The following PLA2G6 variants were observed in gnomAD, a reference collection of about 807,000 sequenced individuals.
PLA2G6 encodes the protein 85/88 kDa calcium-independent phospholipase A2.
In PLA2G6, 62 loss-of-function variants were observed where a neutral mutation model predicts 83.8. The ratio of observed to expected loss-of-function variants is 0.74; its 90% CI spans 0.60 to 0.91. PLA2G6 has a LOEUF of 0.91. Among genes scored for constraint, PLA2G6 ranks in the 40% least tolerant of loss-of-function variants. PLA2G6 has a pLI of 0.00. For synonymous variants in PLA2G6, 417 were observed against 449.8 expected (o/e 0.93, Z 0.92); for missense variants, 944 against 1,102.0 (o/e 0.86, Z 2.03).
intron 8 of PLA2G6, 137 bp downstream of exon 8, chr22:38,129,317 G>A (rs2088062575): frequency 1.4e-6 from 1 of 710,148 alleles, no homozygotes; most frequent in Non-Finnish European, 2.6e-6. Flanking sequence ...CTCTGAGTAC[G>A]AGGTGCTCCT....
intron 1 of PLA2G6, among the ~76,000 whole-genome samples, chr22:38,178,732 G>A (rs939538724): frequency 5.3e-5 from 8 of 152,112 alleles, no homozygotes; most frequent in African/African-American, 1.9e-4. Context: ...TGGGTGTGGT[G>A]GCGTGCACCT....
In PLA2G6 at chr22:38,111,689, T is replaced by G. The variant is rs948063627; in HGVS notation, c.*472A>C. The G allele has an allele frequency of 4.5e-6, 1 of 223,938 alleles. No individual in the cohort carries two copies. The highest frequency in any genetic ancestry group is 9.1e-6 in the Non-Finnish European group (1 of 109,904). The allele number at this position is 223,938 out of a possible 1,614,324, so 13.9% of individuals were successfully genotyped here. A position where few individuals can be genotyped will look rare whatever the true frequency, so the allele number is the denominator to read the frequency against. On this transcript the variant is annotated 3_prime_UTR_variant, in exon 17 of 17. Transcript: ENST00000332509. Reference sequence around the variant, plus strand: ...GCCTGGGCTTTCCCAGCTGATGGGGTGGGGGACACCCATTTCTTTAGTCCC... The same window carrying G: ...GCCTGGGCTTTCCCAGCTGATGGGGGGGGGGACACCCATTTCTTTAGTCCC...
At chr22:38,162,112 G>A (rs537218850) in intron 2 of PLA2G6, among the ~76,000 whole-genome samples, 24 of 151,200 alleles carry the variant, frequency 1.6e-4, no homozygotes, top group Non-Finnish European at 3.2e-4. Flanking sequence ...GGAGGCTGAG[G>A]CAGAGAGAAC....
intron 2 of PLA2G6, chr22:38,147,100 T>G (rs998817918): frequency 1.3e-5 from 2 of 152,196 alleles, no homozygotes. Context: ...CATTTTTAAG[T>G]GTTGAGGTTG....
intron 2 of PLA2G6, among the ~76,000 whole-genome samples, chr22:38,155,088 G>A (rs181164904): frequency 2.0e-4 from 30 of 152,204 alleles, no homozygotes; most frequent in African/African-American, 5.8e-4. Flanking sequence ...TTAGCCAGGC[G>A]TGGTGGCGGG....
rs754054320 is a variant in PLA2G6 at position 38,169,220 on chromosome 22, G to A, written c.207C>T (p.Phe69=). Residue 69 remains phenylalanine (F), a splice_region_variant and synonymous_variant, in exon 2 of 17, where the codon TTC becomes TTT. Coordinates refer to ENST00000332509, the MANE Select transcript of PLA2G6 (RefSeq NM_003560.4). ...LVNPRNSQSG[F]RLFQLELEAD... ...TGTTCCCGCTGAGCATCACCCACCGGAATCCACTCTGTGAGTTCCTGGGGT... is the reference window on the plus strand; with the variant it reads ...TGTTCCCGCTGAGCATCACCCACCGAAATCCACTCTGTGAGTTCCTGGGGT... 1 of 1,612,178 alleles carries A rather than the reference G, an allele frequency of 6.2e-7. No individual in the cohort carries two copies. The highest frequency in any genetic ancestry group is 1.1e-5 in the South Asian group (1 of 90,944).
chr22:38,157,893 G>A (rs1397083672), intron 2 of PLA2G6, among the ~76,000 whole-genome samples: 1 of 151,862 alleles, frequency 6.6e-6, no homozygotes, highest in East Asian at 2.0e-4. Context: ...AAAACTAGCT[G>A]GGTGTGGTGG....
chr22:38,138,296 G>C (rs2088679637), intron 5 of PLA2G6: 1 of 152,742 alleles, frequency 6.5e-6, no homozygotes, highest in South Asian at 2.1e-4. Flanking sequence ...TATCTTCTCT[G>C]TTTGGTCAAG....
chr22:38,158,326 C>T (rs1361507023), intron 2 of PLA2G6, among the ~76,000 whole-genome samples: 2 of 151,862 alleles, frequency 1.3e-5, no homozygotes, highest in African/African-American at 4.8e-5. Context: ...CCCACCACCA[C>T]GCCTGGCTAA....
chr22:38,111,850 C>T lies in PLA2G6; in HGVS notation c.*311G>A, dbSNP rs868234633. The T allele has an allele frequency of 2.9e-5, 12 of 418,086 alleles. No individual in the cohort carries two copies. The highest frequency in any genetic ancestry group is 1.6e-4 in the East Asian group (3 of 19,346). 25.9% of individuals were successfully genotyped at this position (418,086 alleles called of 1,614,324 possible). A position where few individuals can be genotyped will look rare whatever the true frequency, so the allele number is the denominator to read the frequency against. Reference sequence around the variant, plus strand: ...GAGGCTGGGGCTGGGGGCAGGGGTACGGTTGTGCCCGGGTACCCTTAATGT... The same window carrying T: ...GAGGCTGGGGCTGGGGGCAGGGGTATGGTTGTGCCCGGGTACCCTTAATGT... On this transcript the variant is annotated 3_prime_UTR_variant, in exon 17 of 17. Coordinates refer to ENST00000332509, the MANE Select transcript of PLA2G6 (RefSeq NM_003560.4).
Position 38,126,354 on chromosome 22 carries a change from G to C in PLA2G6, c.1427+17C>G. 1.9e-6 allele frequency: 3 copies of C among 1,602,536 alleles called. No homozygotes were observed. The highest frequency in any genetic ancestry group is 2.6e-6 in the Non-Finnish European group (3 of 1,169,876). Reference sequence around the variant, plus strand: ...CGCACACGTTCCCCGCTCTGCCCCCGATCTCGATCCACTTACGTCCGCTTC... The same window carrying C: ...CGCACACGTTCCCCGCTCTGCCCCCCATCTCGATCCACTTACGTCCGCTTC... On this transcript the variant is annotated intron_variant, in intron 10 of 16. Coordinates refer to ENST00000332509, the MANE Select transcript of PLA2G6 (RefSeq NM_003560.4).
chr22:38,172,901 A>C (rs746196449), intron 1 of PLA2G6, among the ~76,000 whole-genome samples: 1 of 152,244 alleles, frequency 6.6e-6, no homozygotes. Context: ...ATGGCCACAG[A>C]AACGACAGGC....
At position 38,119,625 on chromosome 22, in the gene PLA2G6, A is replaced by G. The variant is rs566554392; in HGVS notation, c.1742+1134T>C. On this transcript the variant is annotated intron_variant, in intron 12 of 16. Transcript: ENST00000332509. ...AGGATCGCCTCAGCTCAGGAGTTCA[A>G]GACTAGCCTGGACAACATGGTGAAA... 2.6e-5 allele frequency among the ~76,000 whole-genome samples: 4 copies of G among 152,302 alleles called. No individual in the cohort carries two copies. In the East Asian group the frequency reaches 7.7e-4, roughly 29 times the overall value.
Position 38,179,471 on chromosome 22 carries a change from C to T in PLA2G6, c.-46+2193G>A, listed in dbSNP as rs972159617. Among the ~76,000 whole-genome samples the T allele has an allele frequency of 2.8e-5, 4 of 143,650 alleles. No individual in the cohort carries two copies. The East Asian group carries it at 7.9e-4, about 28-fold the overall frequency. 94.2% of individuals were successfully genotyped at this position (143,650 alleles called of 152,430 possible). On this transcript the variant is annotated intron_variant, in intron 1 of 16. Coordinates refer to ENST00000332509, the MANE Select transcript of PLA2G6 (RefSeq NM_003560.4). Reference sequence around the variant, plus strand: ...GGTCAGGGATGGAGGGCAGAACTAACAGGAGCTCAATTCTAAACTCTTAAG... The same window carrying T: ...GGTCAGGGATGGAGGGCAGAACTAATAGGAGCTCAATTCTAAACTCTTAAG...
At position 38,131,718 on chromosome 22, in the gene PLA2G6, T is replaced by C. The variant is rs1036499049; in HGVS notation, c.1077+1113A>G. On this transcript the variant is annotated intron_variant, in intron 7 of 16. Transcript: ENST00000332509. ...TCTGAATGTGTCCTGAATCAGCTTT[T>C]AGAGTCCCGGGGGTCTCTCATGTTC... 4.4e-5 allele frequency: 7 copies of C among 158,334 alleles called. No individual in the cohort carries two copies. In the South Asian group the frequency reaches 1.0e-3, roughly 24 times the overall value. The allele number at this position is 158,334 out of a possible 1,614,324, so 9.8% of individuals were successfully genotyped here. A position where few individuals can be genotyped will look rare whatever the true frequency, so the allele number is the denominator to read the frequency against.
chr22:38,112,818 T>A (rs1569239893), intron 15 of PLA2G6: 2 of 594,356 alleles, frequency 3.4e-6, no homozygotes, highest in South Asian at 2.0e-5. Context: ...GGATGATGAG[T>A]GGGGGAAAGG....
At chr22:38,145,814 CACACACACACACACACACA>C (rs2145832542) in intron 2 of PLA2G6, 161 bp from the exon 3 acceptor site, 1 of 662,870 alleles carries the variant, frequency 1.5e-6, no homozygotes, top group Admixed American at 2.1e-5. Context: ...CACACACACA[CACACACACACACACACACA>C]CCCCTATACA....
At position 38,160,873 on chromosome 22, in the gene PLA2G6, C is replaced by T. The variant is rs548093415; in HGVS notation, c.209+8345G>A. On this transcript the variant is annotated intron_variant, in intron 2 of 16. Coordinates refer to ENST00000332509, the MANE Select transcript of PLA2G6 (RefSeq NM_003560.4). ...AAAAAAAAGCCTTTATCATAAAAGG[C>T]AAGTTATTGGTTACCCTTCTTTGGG... 4.6e-5 allele frequency among the ~76,000 whole-genome samples: 7 copies of T among 151,924 alleles called. No individual in the cohort carries two copies. The South Asian group carries it at 1.5e-3, about 32-fold the overall frequency.
chr22:38,126,462 G>C lies in PLA2G6; in HGVS notation c.1349-13C>G, dbSNP rs762223777. 99 of 1,609,206 alleles carry C rather than the reference G, an allele frequency of 6.2e-5. No homozygotes were observed. The highest frequency in any genetic ancestry group is 7.4e-5 in the Non-Finnish European group (87 of 1,177,106). On this transcript the variant is annotated splice_polypyrimidine_tract_variant and intron_variant, in intron 9 of 16. Coordinates refer to ENST00000332509, the MANE Select transcript of PLA2G6 (RefSeq NM_003560.4). ...AGATCCTGTAGTTCTGTGAGGCACA[G>C]AGCAGGGCATGCTGTGGTCAGGTGG...
Sources: allele counts gnomAD v4.1 joint callset (sites outside exome capture counted in the v4.1 genomes callset), GRCh38; gene constraint gnomAD v4.1.1; transcripts MANE v1.5; gene names NCBI Gene and HGNC (gene_info 2026-07-23, HGNC 2026-07-21).